Variants in RBMS2 observed in about 807,000 individuals in gnomAD.
RBMS2 encodes RNA-binding motif, single-stranded-interacting protein 2.
RBMS2 carries 38 observed loss-of-function variants against 58.4 expected under a neutral mutation model. The ratio of observed to expected loss-of-function variants is 0.65; its 90% CI spans 0.50 to 0.85. The LOEUF is 0.85. Ranked by LOEUF, RBMS2 falls within the 40% of genes least tolerant of loss-of-function variation. The pLI is 0.00. For missense variants in RBMS2, 367 were observed against 503.7 expected (o/e 0.73, Z 2.60); for synonymous variants, 151 against 180.7 (o/e 0.84, Z 1.32).
At chr12:56,568,347 G>A (rs998342159) in intron 2 of RBMS2, among the ~76,000 whole-genome samples, 4 of 152,108 alleles carry the variant, frequency 2.6e-5, no homozygotes, top group Admixed American at 6.6e-5. Flanking sequence ...ACACTCTTTC[G>A]TGTGGACATT....
intron 1 of RBMS2, among the ~76,000 whole-genome samples, chr12:56,558,922 G>A (rs118087072): frequency 1.8e-3 from 280 of 151,916 alleles, no homozygotes; most frequent in Middle Eastern, 3.4e-3. Context: ...TAAGAGTTAG[G>A]GTCTCACTAT....
chr12:56,521,378 G>A (rs574624515), upstream of RBMS2, among the ~76,000 whole-genome samples: 2 of 144,756 alleles, frequency 1.4e-5, no homozygotes, highest in Non-Finnish European at 3.0e-5. Context: ...GCCGGATCCG[G>A]GATTGCACCA....
intron 1 of RBMS2, among the ~76,000 whole-genome samples, chr12:56,536,531 TTC>T (rs112752570): frequency 0.066 from 10,049 of 151,376 alleles, 815 homozygotes; most frequent in African/African-American, 0.19. Flanking sequence ...CTTCTTTCTT[TTC>T]TCTCTTTCTC....
intron 9 of RBMS2, 81 bp downstream of exon 9, chr12:56,582,233 C>G: frequency 7.9e-7 from 1 of 1,270,266 alleles, no homozygotes; most frequent in Non-Finnish European, 1.1e-6. Context: ...CTAGGAACTA[C>G]TTGTTTTTTG....
chr12:56,582,626 T>C (rs1002099843), intron 9 of RBMS2, among the ~76,000 whole-genome samples: 1 of 152,216 alleles, frequency 6.6e-6, no homozygotes, highest in African/African-American at 2.4e-5. Context: ...ATCTACTGAA[T>C]TACAAACTCT....
At chr12:56,568,910 G>C (rs1237931376) in intron 2 of RBMS2, 65 bp from the exon 3 acceptor site, 1 of 1,346,246 alleles carries the variant, frequency 7.4e-7, no homozygotes, top group African/African-American at 1.4e-5. Context: ...TGAGATGTCT[G>C]AATCTCTGTC....
intron 5 of RBMS2, among the ~76,000 whole-genome samples, chr12:56,575,619 G>A (rs760628714): frequency 3.0e-4 from 45 of 151,798 alleles, no homozygotes; most frequent in Non-Finnish European, 5.1e-4. Context: ...TCTCGGCCAG[G>A]CATGGTGGCT....
chr12:56,563,206 T>G lies in RBMS2; in HGVS notation c.233+623T>G, dbSNP rs1280304612. ...TGTGTTTCTCTAAGGAAAGCCAGTG[T>G]GGGACTGGCCTTTAAAGCCTAATAT... On this transcript the variant is annotated intron_variant, in intron 2 of 13. Coordinates refer to ENST00000262031, the MANE Select transcript of RBMS2 (RefSeq NM_002898.4). 2.0e-5 allele frequency among the ~76,000 whole-genome samples: 3 copies of G among 152,224 alleles called. No homozygotes were observed. The East Asian group carries it at 5.8e-4, about 29-fold the overall frequency.
rs1343351688 is a variant in RBMS2, at chr12:56,589,158, T to C, written c.*25T>C. 1.9e-6 allele frequency: 3 copies of C among 1,545,732 alleles called. No individual in the cohort carries two copies. In the African/African-American group the frequency reaches 4.1e-5, roughly 21 times the overall value. ...TCTTTAGGATTCCCCTCCCCATCTT[T>C]ACTGAATAGAAATGAATTCTTGGAG... On this transcript the variant is annotated 3_prime_UTR_variant, in exon 14 of 14. Coordinates refer to ENST00000262031, the MANE Select transcript of RBMS2 (RefSeq NM_002898.4).
rs1880622903 is a variant in RBMS2 at position 56,562,591 on chromosome 12, G to A, written c.233+8G>A. 6.2e-7 allele frequency: 1 copy of A among 1,611,646 alleles called. No homozygotes were observed. The highest frequency in any genetic ancestry group is 1.7e-5 in the Admixed American group (1 of 59,992). On this transcript the variant is annotated splice_region_variant and intron_variant, in intron 2 of 13. Transcript: ENST00000262031. ...TGTCAAGCTGTGTCAGCCGTAAGTT[G>A]GAGTACATGTGCGTAGGCTTCCAGG...
intron 1 of RBMS2, among the ~76,000 whole-genome samples, chr12:56,539,492 A>G (rs1009700758): frequency 5.3e-5 from 8 of 152,094 alleles, no homozygotes; most frequent in African/African-American, 1.7e-4. Context: ...TAGTTAAACC[A>G]GTATTCAGTA....
chr12:56,587,325 C>A (rs1244226029), intron 10 of RBMS2, among the ~76,000 whole-genome samples: 4 of 151,672 alleles, frequency 2.6e-5, no homozygotes, highest in Admixed American at 1.3e-4. Flanking sequence ...CTGGCTCAGA[C>A]CCTTGTGCAA....
chr12:56,567,209 A>G (rs1881488274), intron 2 of RBMS2, among the ~76,000 whole-genome samples: 1 of 151,794 alleles, frequency 6.6e-6, no homozygotes, highest in Non-Finnish European at 1.5e-5. Flanking sequence ...ACATGGTGAA[A>G]CCTCGTCTCT....
intron 2 of RBMS2, among the ~76,000 whole-genome samples, chr12:56,566,471 TAGA>T (rs2136445439): frequency 6.6e-6 from 1 of 152,344 alleles, no homozygotes; most frequent in African/African-American, 2.4e-5. Flanking sequence ...ACTCAAGTTT[TAGA>T]AGTTCCACAT....
At chr12:56,527,296 A>G (rs1016418037) in intron 1 of RBMS2, among the ~76,000 whole-genome samples, 1 of 152,210 alleles carries the variant, frequency 6.6e-6, no homozygotes, top group Non-Finnish European at 1.5e-5. Context: ...GTTATCAGTA[A>G]TAAGTTAACT....
chr12:56,532,308 C>T (rs1334127904), intron 1 of RBMS2, among the ~76,000 whole-genome samples: 1 of 151,762 alleles, frequency 6.6e-6, no homozygotes, highest in Non-Finnish European at 1.5e-5. Flanking sequence ...TTTGGGAGGC[C>T]GAGGCAGGCA....
upstream of RBMS2, among the ~76,000 whole-genome samples, chr12:56,521,502 G>GTT (rs68129205): frequency 9.1e-3 from 668 of 73,148 alleles, 32 homozygotes; most frequent in South Asian, 0.016. Flanking sequence ...CTCTAACTCT[G>GTT]TTTTTTTTTT....
intron 1 of RBMS2, among the ~76,000 whole-genome samples, chr12:56,539,505 TA>T (rs1422808336): frequency 1.3e-5 from 2 of 152,194 alleles, no homozygotes; most frequent in Non-Finnish European, 2.9e-5. Flanking sequence ...ATTCAGTATT[TA>T]TATTATTATG....
chr12:56,578,737 G>C (rs1274508242), intron 5 of RBMS2, among the ~76,000 whole-genome samples: 2 of 152,112 alleles, frequency 1.3e-5, no homozygotes, highest in African/African-American at 4.8e-5. Context: ...GGCCGAAGCA[G>C]GCAGATCACT....
Sources: allele counts gnomAD v4.1 joint callset (sites outside exome capture counted in the v4.1 genomes callset), GRCh38; gene constraint gnomAD v4.1.1; transcripts MANE v1.5; gene names NCBI Gene and HGNC (gene_info 2026-07-23, HGNC 2026-07-21).